The following SOX6 variants were observed in gnomAD, a reference collection of about 807,000 sequenced individuals.
SOX6 encodes the protein transcription factor SOX-6.
A neutral mutation model predicts 97.8 loss-of-function variants in SOX6; 11 were observed. That is an observed-to-expected ratio of 0.11 (90% confidence interval 0.07 to 0.19). The LOEUF (loss-of-function observed/expected upper bound fraction) is 0.19. SOX6 is among the 10% of genes least tolerant of loss of function. The pLI is 1.00. For missense variants in SOX6, 810 were observed against 1,039.5 expected (o/e 0.78, Z 3.04); for synonymous variants, 360 against 371.4 (o/e 0.97, Z 0.35).
intron 1 of SOX6, among the ~76,000 whole-genome samples, chr11:16,462,324 T>C (rs778244679): frequency 6.6e-6 from 1 of 152,364 alleles, no homozygotes; most frequent in Non-Finnish European, 1.5e-5. Context: ...CAGGTAAAGA[T>C]AGTTATTGCT....
intron 5 of SOX6, 143 bp downstream of exon 5, chr11:16,186,640 C>T (rs1851484292): frequency 5.5e-6 from 6 of 1,093,558 alleles, no homozygotes; most frequent in Non-Finnish European, 7.7e-6. Context: ...TTCCAGAAGG[C>T]TTTGTTTTTT....
chr11:16,599,060 G>A (rs778596960), intron 4 of SOX6, among the ~76,000 whole-genome samples: 6 of 152,006 alleles, frequency 3.9e-5, no homozygotes, highest in Admixed American at 2.6e-4. Context: ...CTATTTATAC[G>A]TATCATCATT....
chr11:16,570,861 T>G lies in SOX6; in HGVS notation n.609+41220A>C, dbSNP rs561611744. On this transcript the variant is annotated intron_variant and non_coding_transcript_variant, in intron 4 of 5. Transcript: ENST00000524520. Reference sequence around the variant, plus strand: ...ATTGACAATTTAAAGCATTTTGAATTAGGATTTCTGTAGCTGGCAGAAGTA... The same window carrying G: ...ATTGACAATTTAAAGCATTTTGAATGAGGATTTCTGTAGCTGGCAGAAGTA... Among the ~76,000 whole-genome samples the G allele has an allele frequency of 2.6e-5, 4 of 152,310 alleles. No individual in the cohort carries two copies. In the South Asian group the frequency reaches 8.3e-4, roughly 32 times the overall value.
chr11:16,227,108 T>C (rs1852710507), intron 4 of SOX6, among the ~76,000 whole-genome samples: 1 of 152,214 alleles, frequency 6.6e-6, no homozygotes, highest in Non-Finnish European at 1.5e-5. Context: ...CCACACTGGA[T>C]TGTTATATGT....
intron 1 of SOX6, among the ~76,000 whole-genome samples, chr11:16,417,209 C>A (rs189602508): frequency 0.016 from 2,386 of 152,226 alleles, 101 homozygotes; most frequent in Non-Finnish European, 0.013. Context: ...ATGCTAATGG[C>A]AACACATTTA....
At chr11:16,680,371 A>G (rs1319474663) in intron 3 of SOX6, among the ~76,000 whole-genome samples, 1 of 152,194 alleles carries the variant, frequency 6.6e-6, no homozygotes, top group Non-Finnish European at 1.5e-5. Context: ...CTTTATGAGC[A>G]AAGGGGAAAT....
intron 3 of SOX6, among the ~76,000 whole-genome samples, chr11:16,288,728 T>C (rs993256475): frequency 1.3e-5 from 2 of 151,950 alleles, no homozygotes; most frequent in African/African-American, 4.8e-5. Flanking sequence ...AGTACACCTT[T>C]GATTTCTCAG....
chr11:16,499,226 C>T (rs973542316), intron 4 of SOX6, among the ~76,000 whole-genome samples: 5 of 151,988 alleles, frequency 3.3e-5, no homozygotes, highest in South Asian at 2.1e-4. Flanking sequence ...CATAACGAAA[C>T]GAAGGTTGAA....
intron 4 of SOX6, among the ~76,000 whole-genome samples, chr11:16,570,335 C>G (rs192429836): frequency 6.6e-6 from 1 of 151,914 alleles, no homozygotes; most frequent in South Asian, 2.1e-4. Flanking sequence ...AAAGCATTAA[C>G]ATATTTAAAC....
intron 3 of SOX6, among the ~76,000 whole-genome samples, chr11:16,674,428 C>T (rs1847870739): frequency 6.6e-6 from 1 of 152,186 alleles, no homozygotes; most frequent in Admixed American, 6.5e-5. Flanking sequence ...ATTTGCAAGA[C>T]CCACAGCTAA....
intron 4 of SOX6, among the ~76,000 whole-genome samples, chr11:16,500,566 T>A (rs1234933058): frequency 1.3e-5 from 2 of 152,064 alleles, no homozygotes; most frequent in Non-Finnish European, 2.9e-5. Context: ...AAACCCCATC[T>A]TCTAAGCCCA....
At chr11:16,319,361 T>C (rs960376669) in intron 2 of SOX6, among the ~76,000 whole-genome samples, 13 of 152,168 alleles carry the variant, frequency 8.5e-5, no homozygotes, top group African/African-American at 3.1e-4. Flanking sequence ...AAAAATGTCT[T>C]TTTTTAGTTA....
intron 2 of SOX6, among the ~76,000 whole-genome samples, chr11:16,319,246 T>A (rs1855837907): frequency 6.6e-6 from 1 of 152,124 alleles, no homozygotes; most frequent in Admixed American, 6.6e-5. Context: ...AGAAAACTGT[T>A]TTGTTTTGGT....
chr11:16,246,649 C>A (rs1483037525), intron 3 of SOX6, among the ~76,000 whole-genome samples: 1 of 151,972 alleles, frequency 6.6e-6, no homozygotes, highest in Non-Finnish European at 1.5e-5. Flanking sequence ...ACTTCTAAGA[C>A]TCTCTTTCAT....
intron 4 of SOX6, among the ~76,000 whole-genome samples, chr11:16,561,887 C>T (rs1408834242): frequency 7.7e-6 from 1 of 130,002 alleles, no homozygotes; most frequent in Non-Finnish European, 1.7e-5. Context: ...CATCACCACA[C>T]CTGGCTAATT....
At chr11:16,437,492 G>A (rs1164738951) in intron 1 of SOX6, among the ~76,000 whole-genome samples, 1 of 152,116 alleles carries the variant, frequency 6.6e-6, no homozygotes, top group Non-Finnish European at 1.5e-5. Context: ...AAGAACATCT[G>A]TTTATGTGAA....
chr11:16,220,974 T>A (rs527364647), intron 4 of SOX6, among the ~76,000 whole-genome samples: 1 of 152,132 alleles, frequency 6.6e-6, no homozygotes, highest in East Asian at 1.9e-4. Flanking sequence ...ATCTCTGAAG[T>A]CTTAAATGTG....
intron 3 of SOX6, among the ~76,000 whole-genome samples, chr11:16,631,410 GC>G (rs1848705538): frequency 6.6e-6 from 1 of 152,072 alleles, no homozygotes; most frequent in Non-Finnish European, 1.5e-5. Flanking sequence ...CTGAAAATAG[GC>G]CCCCAACTTC....
At chr11:16,114,306 C>G (rs1849296655) in intron 6 of SOX6, among the ~76,000 whole-genome samples, 1 of 152,142 alleles carries the variant, frequency 6.6e-6, no homozygotes, top group African/African-American at 2.4e-5. Context: ...CTATATGCTG[C>G]TATTTTCTTG....
Sources: allele counts gnomAD v4.1 joint callset (sites outside exome capture counted in the v4.1 genomes callset), GRCh38; gene constraint gnomAD v4.1.1; transcripts MANE v1.5; gene names NCBI Gene and HGNC (gene_info 2026-07-23, HGNC 2026-07-21).